HS6ST2: variants seen among roughly 807,000 people sequenced by gnomAD.
The protein encoded by HS6ST2 is heparan-sulfate 6-O-sulfotransferase 2.
HS6ST2 carries 17 observed loss-of-function variants against 33.0 expected under a neutral mutation model. That is an observed-to-expected ratio of 0.52 (90% CI 0.35 to 0.77). The LOEUF is 0.77. Ranked by LOEUF, HS6ST2 falls within the 30% of genes least tolerant of loss-of-function variation. HS6ST2 has a pLI of 0.01. For missense variants in HS6ST2, 519 were observed against 551.7 expected, an observed-to-expected ratio of 0.94 and a Z score of 0.59; for synonymous variants, 248 against 237.1, an observed-to-expected ratio of 1.05 and a Z score of -0.42.
chrX:132,915,984 C>T (rs1282526055), intron 2 of HS6ST2, among the ~76,000 whole-genome samples: 1 of 110,408 alleles, frequency 9.1e-6, no homozygotes, highest in Non-Finnish European at 1.9e-5. Context: ...CCACCTGCCT[C>T]GGCCTCCCAA....
chrX:132,817,463 G>A (rs2065405337), intron 2 of HS6ST2, among the ~76,000 whole-genome samples: 1 of 110,991 alleles, frequency 9.0e-6, no homozygotes, highest in African/African-American at 3.3e-5. Context: ...AGGGAACACT[G>A]ATTGAAAGTA....
At chrX:132,757,102 T>C (rs929849563) in intron 2 of HS6ST2, among the ~76,000 whole-genome samples, 1 of 111,589 alleles carries the variant, frequency 9.0e-6, no homozygotes, top group Non-Finnish European at 1.9e-5. Context: ...ATAAAGCCAA[T>C]AGCCTCATTA....
At chrX:132,944,799 A>G (rs777923146) in intron 2 of HS6ST2, among the ~76,000 whole-genome samples, 1 of 110,618 alleles carries the variant, frequency 9.0e-6, no homozygotes, top group East Asian at 2.8e-4. Context: ...CTGGCTAGCC[A>G]TATGTAGAAA....
At chrX:132,736,867 A>G (rs1415515207) in intron 2 of HS6ST2, among the ~76,000 whole-genome samples, 1 of 111,762 alleles carries the variant, frequency 8.9e-6, no homozygotes, top group Non-Finnish European at 1.9e-5. Flanking sequence ...AATGCAGACC[A>G]TTTTCTTTGT....
intron 3 of HS6ST2, chrX:132,669,559 C>A (rs2063844385): frequency 7.9e-6 from 1 of 126,028 alleles, no homozygotes; most frequent in Non-Finnish European, 1.6e-5. Flanking sequence ...TCCTTTCTTT[C>A]CAGGCACTGA....
At chrX:132,651,764 G>C (rs1038432885) in intron 4 of HS6ST2, among the ~76,000 whole-genome samples, 3 of 111,682 alleles carry the variant, frequency 2.7e-5, no homozygotes, top group Middle Eastern at 4.6e-3. Flanking sequence ...TGAGTTCACT[G>C]CTGGGCCTGC....
intron 2 of HS6ST2, among the ~76,000 whole-genome samples, chrX:132,896,927 G>T (rs2148457540): frequency 8.9e-6 from 1 of 111,824 alleles, no homozygotes; most frequent in African/African-American, 3.2e-5. Flanking sequence ...AAGTCAGAAA[G>T]ACCATCTAAC....
chrX:132,677,879 G>A (rs2063935805), intron 3 of HS6ST2, among the ~76,000 whole-genome samples: 1 of 112,044 alleles, frequency 8.9e-6, no homozygotes, highest in South Asian at 3.7e-4. Context: ...ACTTGAACAA[G>A]TTGGGTCATT....
intron 2 of HS6ST2, among the ~76,000 whole-genome samples, chrX:132,758,080 G>T (rs780913209): frequency 3.0e-4 from 34 of 111,757 alleles, no homozygotes; most frequent in Admixed American, 5.7e-4. Flanking sequence ...CCCAAAGATG[G>T]GTCTTCAAAA....
rs575115949 is a variant in HS6ST2 at position 132,734,296 on chromosome X, T to G, written c.948-25802A>C. ...GAGTTTGGTTTCTGATTGGTGGGTC[T>G]AGAAGGTTGGCAACACATACTTATA... On this transcript the variant is annotated intron_variant, in intron 2 of 4. Transcript: ENST00000370833. 8.3e-5 allele frequency among the ~76,000 whole-genome samples: 9 copies of G among 109,060 alleles called. No homozygotes were observed. In the South Asian group the frequency reaches 3.2e-3, roughly 39 times the overall value. 94.7% of individuals were successfully genotyped at this position (109,060 alleles called of 115,157 possible). A position where few individuals can be genotyped will look rare whatever the true frequency, so the allele number is the denominator to read the frequency against.
At chrX:132,910,082 T>G (rs1232393610) in intron 2 of HS6ST2, among the ~76,000 whole-genome samples, 1 of 111,885 alleles carries the variant, frequency 8.9e-6, no homozygotes, top group Non-Finnish European at 1.9e-5. Context: ...TCACGTTCGC[T>G]CTACCATTTG....
chrX:132,784,466 C>G (rs757648620), intron 2 of HS6ST2, among the ~76,000 whole-genome samples: 46 of 111,253 alleles, frequency 4.1e-4, no homozygotes, highest in Non-Finnish European at 7.9e-4. Context: ...CACGCCACCA[C>G]GCCTGGCTAG....
Position 132,676,035 on chromosome X carries a change from G to A in HS6ST2, c.981-6836C>T, listed in dbSNP as rs144691025. 6.1e-3 allele frequency among the ~76,000 whole-genome samples: 681 copies of A among 111,546 alleles called. 18 individuals carry two copies. Among genetic ancestry groups the A allele is most frequent in the Admixed American group, 0.058 (610 of 10,533 alleles). ...GTATTAGGCCAGTTTTGAGGGACCT[G>A]TGGCCATCACCTTTCCCATACTGAG... On this transcript the variant is annotated intron_variant, in intron 3 of 4. Coordinates refer to ENST00000370833, the MANE Select transcript of HS6ST2 (RefSeq NM_001394073.1).
At chrX:132,703,286 G>A (rs995289660) in intron 3 of HS6ST2, among the ~76,000 whole-genome samples, 1 of 112,652 alleles carries the variant, frequency 8.9e-6, no homozygotes, top group African/African-American at 3.2e-5. Flanking sequence ...CTTTGAAACT[G>A]ACAGCTGGGA....
chrX:132,933,981 T>C (rs182878275), intron 2 of HS6ST2, among the ~76,000 whole-genome samples: 223 of 110,571 alleles, frequency 2.0e-3, no homozygotes, highest in Middle Eastern at 0.014. Flanking sequence ...AAAGAAAAAT[T>C]CTCCGGCTGA....
At chrX:132,945,908 G>A (rs2066948678) in intron 2 of HS6ST2, among the ~76,000 whole-genome samples, 1 of 108,238 alleles carries the variant, frequency 9.2e-6, no homozygotes, top group Admixed American at 9.8e-5. Flanking sequence ...TAAATGATGA[G>A]TTAATGGGTG....
intron 2 of HS6ST2, among the ~76,000 whole-genome samples, chrX:132,897,199 G>A (rs2066384286): frequency 9.1e-6 from 1 of 109,906 alleles, no homozygotes; most frequent in Non-Finnish European, 1.9e-5. Context: ...GATACCTGTT[G>A]CCGAGTAACA....
chrX:132,932,286 C>T (rs1288062233), intron 2 of HS6ST2, among the ~76,000 whole-genome samples: 1 of 110,643 alleles, frequency 9.0e-6, no homozygotes, highest in African/African-American at 3.3e-5. Flanking sequence ...CAGCAATCAC[C>T]CAACAATTAG....
intron 2 of HS6ST2, among the ~76,000 whole-genome samples, chrX:132,755,774 C>T (rs201092639): frequency 9.0e-6 from 1 of 111,705 alleles, no homozygotes; most frequent in East Asian, 2.8e-4. Context: ...ATGATCGCGC[C>T]TATGAATAGA....
Sources: allele counts gnomAD v4.1 joint callset (sites outside exome capture counted in the v4.1 genomes callset), GRCh38; gene constraint gnomAD v4.1.1; transcripts MANE v1.5; gene names NCBI Gene and HGNC (gene_info 2026-07-23, HGNC 2026-07-21).